TECRL: variants seen among roughly 807,000 people sequenced by gnomAD.
TECRL encodes trans-2,3-enoyl-CoA reductase like.
In TECRL, 63 loss-of-function variants were observed where a neutral mutation model predicts 52.8. The ratio of observed to expected loss-of-function variants is 1.19; its 90% CI spans 0.97 to 1.47. The LOEUF is 1.47. TECRL is among the 40% of genes most tolerant of loss of function. TECRL has a pLI of 0.00. For missense variants in TECRL, 482 were observed against 429.6 expected (o/e 1.12, Z -1.08); for synonymous variants, 164 against 141.9 (o/e 1.16, Z -1.10).
intron 1 of TECRL, among the ~76,000 whole-genome samples, chr4:64,405,671 T>A (rs1724665489): frequency 6.6e-6 from 1 of 151,946 alleles, no homozygotes; most frequent in East Asian, 1.9e-4. Context: ...CACTAGGAAG[T>A]TTTTTTTAAA....
chr4:64,312,099 T>C (rs993583061), intron 5 of TECRL, among the ~76,000 whole-genome samples: 1 of 152,198 alleles, frequency 6.6e-6, no homozygotes, highest in South Asian at 2.1e-4. Flanking sequence ...TGAAGAACTT[T>C]GTGGTGGTTC....
Position 64,347,146 on chromosome 4 carries a change from G to T in TECRL, c.287-18590C>A, listed in dbSNP as rs544465214. Among the ~76,000 whole-genome samples, 5 of 152,262 alleles carry T rather than the reference G, an allele frequency of 3.3e-5. No individual in the cohort carries two copies. In the East Asian group the frequency reaches 7.7e-4, roughly 24 times the overall value. ...CTTACATAAATAGCCTGTTCAAAAA[G>T]TTGCCTCTTCATCCTCCACTCAATG... On this transcript the variant is annotated intron_variant, in intron 2 of 11. Transcript: ENST00000381210.
At chr4:64,292,063 T>A (rs1448334608) in intron 8 of TECRL, among the ~76,000 whole-genome samples, 1 of 152,036 alleles carries the variant, frequency 6.6e-6, no homozygotes, top group Non-Finnish European at 1.5e-5. Flanking sequence ...GCTAACTGAA[T>A]TAGATAAAAC....
chr4:64,377,028 TTC>T (rs1316955651), intron 1 of TECRL, among the ~76,000 whole-genome samples: 1 of 152,018 alleles, frequency 6.6e-6, no homozygotes, highest in African/African-American at 2.4e-5. Flanking sequence ...ATAGACAAAC[TTC>T]TAATTTGATA....
At chr4:64,336,473 G>T (rs1162111119) in intron 2 of TECRL, among the ~76,000 whole-genome samples, 1 of 151,876 alleles carries the variant, frequency 6.6e-6, no homozygotes, top group African/African-American at 2.4e-5. Flanking sequence ...TGGATACATT[G>T]ATTTTTTGAA....
Position 64,395,183 on chromosome 4 carries a change from T to G in TECRL, c.234+13935A>C, listed in dbSNP as rs186139103. Among the ~76,000 whole-genome samples the G allele has an allele frequency of 3.9e-3, 595 of 152,074 alleles. 2 individuals carry two copies. Among genetic ancestry groups the G allele is most frequent in the African/African-American group, 0.013 (557 of 41,518 alleles). On this transcript the variant is annotated intron_variant, in intron 1 of 11. Coordinates refer to ENST00000381210, the MANE Select transcript of TECRL (RefSeq NM_001010874.5). Reference sequence around the variant, plus strand: ...GATCCTCCTGTCTCAGCCCCCCAAATTGCTGGGATTACAGACGTAAGCCAC... The same window carrying G: ...GATCCTCCTGTCTCAGCCCCCCAAAGTGCTGGGATTACAGACGTAAGCCAC...
intron 2 of TECRL, among the ~76,000 whole-genome samples, chr4:64,348,547 G>A (rs748514027): frequency 3.9e-5 from 6 of 152,118 alleles, no homozygotes; most frequent in Admixed American, 1.3e-4. Context: ...CACATCTAAT[G>A]CAGCAGGAAT....
At position 64,409,267 on chromosome 4, in the gene TECRL, C is replaced by G; in HGVS notation, c.85G>C (p.Asp29His). ...QRATRFILKD[D>H]MRNFHFLSKL... ...GACAAAAAGTGAAAATTTCTCATATCATCCTTCAGTATGAACCGTGTAGCT... is the reference window on the plus strand; with the variant it reads ...GACAAAAAGTGAAAATTTCTCATATGATCCTTCAGTATGAACCGTGTAGCT... Residue 29 changes from aspartate to histidine, a missense_variant, in exon 1 of 12, where the codon GAT becomes CAT. By Grantham distance (81) the Asp-to-His change is moderately conservative. Transcript: ENST00000381210. 1.3e-6 allele frequency: 2 copies of G among 1,588,192 alleles called. No individual in the cohort carries two copies. Among genetic ancestry groups the G allele is most frequent in the Non-Finnish European group, 1.7e-6 (2 of 1,164,788 alleles).
chr4:64,377,133 T>C (rs1297514080), intron 1 of TECRL, among the ~76,000 whole-genome samples: 2 of 152,068 alleles, frequency 1.3e-5, no homozygotes, highest in East Asian at 1.9e-4. Context: ...TTATACACTC[T>C]TAACATTTCT....
intron 3 of TECRL, among the ~76,000 whole-genome samples, chr4:64,325,319 GA>G (rs2110037446): frequency 6.6e-6 from 1 of 152,320 alleles, no homozygotes; most frequent in East Asian, 1.9e-4. Flanking sequence ...CTTGCTGAGA[GA>G]ATTAAATTTA....
intron 2 of TECRL, among the ~76,000 whole-genome samples, chr4:64,345,415 C>T (rs910708507): frequency 6.6e-6 from 1 of 151,716 alleles, no homozygotes; most frequent in Non-Finnish European, 1.5e-5. Context: ...ATGGATGAAG[C>T]TGGAAACCAT....
intron 2 of TECRL, among the ~76,000 whole-genome samples, chr4:64,355,315 T>C (rs1436096314): frequency 1.3e-5 from 2 of 152,148 alleles, no homozygotes; most frequent in Admixed American, 6.5e-5. Flanking sequence ...TCAGAAAATA[T>C]GTACATTTCA....
At chr4:64,323,386 C>T (rs1718039498) in intron 3 of TECRL, among the ~76,000 whole-genome samples, 1 of 151,778 alleles carries the variant, frequency 6.6e-6, no homozygotes, top group Non-Finnish European at 1.5e-5. Flanking sequence ...GACAAAGAGA[C>T]CCTGCCTCAA....
chr4:64,309,789 T>C, intron 6 of TECRL, 37 bp downstream of exon 6: 1 of 1,308,110 alleles, frequency 7.6e-7, no homozygotes, highest in Non-Finnish European at 1.1e-6. Flanking sequence ...ACATATAAAA[T>C]GTCTCAATCA....
At chr4:64,380,244 G>T (rs1173273241) in intron 1 of TECRL, among the ~76,000 whole-genome samples, 1 of 151,944 alleles carries the variant, frequency 6.6e-6, no homozygotes, top group African/African-American at 2.4e-5. Flanking sequence ...TCCATGGAAT[G>T]ATTTGTTTGC....
chr4:64,310,030 T>G, intron 5 of TECRL, 99 bp from the exon 6 acceptor site: 2 of 625,938 alleles, frequency 3.2e-6, no homozygotes, highest in Non-Finnish European at 2.7e-6. Context: ...ATATGCTAGC[T>G]ATTGGGAAAC....
chr4:64,284,907 G>A (rs1330535348), intron 9 of TECRL, among the ~76,000 whole-genome samples: 1 of 152,052 alleles, frequency 6.6e-6, no homozygotes, highest in Non-Finnish European at 1.5e-5. Flanking sequence ...GGGAAGAATA[G>A]TCTGGGAGGA....
chr4:64,278,353 C>G lies in TECRL; in HGVS notation c.*1719G>C, dbSNP rs550622255. ...TAATGACATAATACCTATGACACAT[C>G]TCACTAACAGATTGAACAATAAAAG... On this transcript the variant is annotated 3_prime_UTR_variant, in exon 12 of 12. Transcript: ENST00000381210. 33 of 194,132 alleles carry G rather than the reference C, an allele frequency of 1.7e-4. No homozygotes were observed. The highest frequency in any genetic ancestry group is 7.1e-4 in the African/African-American group (30 of 42,224). The allele number at this position is 194,132 out of a possible 1,614,324, so 12.0% of individuals were successfully genotyped here. A position where few individuals can be genotyped will look rare whatever the true frequency, so the allele number is the denominator to read the frequency against.
intron 2 of TECRL, among the ~76,000 whole-genome samples, chr4:64,341,892 A>T (rs539732038): frequency 6.6e-6 from 1 of 152,278 alleles, no homozygotes; most frequent in African/African-American, 2.4e-5. Flanking sequence ...CTGTGGCAGG[A>T]GCCAGCATGT....
Sources: allele counts gnomAD v4.1 joint callset (sites outside exome capture counted in the v4.1 genomes callset), GRCh38; gene constraint gnomAD v4.1.1; transcripts MANE v1.5; gene names NCBI Gene and HGNC (gene_info 2026-07-23, HGNC 2026-07-21).